Variants in TMEM243 observed in about 807,000 individuals in gnomAD.
The protein encoded by TMEM243 is MDR1 and mitochondrial taxol resistance associated.
A neutral mutation model predicts 15.0 loss-of-function variants in TMEM243; 20 were observed. That is an observed-to-expected ratio of 1.33 (90% CI 0.94 to 1.93). The LOEUF (loss-of-function observed/expected upper bound fraction) is 1.93. Ranked by LOEUF, TMEM243 falls within the 30% of genes most tolerant of loss-of-function variation. The probability of loss-of-function intolerance (pLI) is 0.00; values close to 1 mark genes in which losing one functional copy is unlikely to be tolerated. For synonymous variants in TMEM243, 72 were observed against 52.7 expected, an observed-to-expected ratio of 1.37 and a Z score of -1.59; for missense variants, 156 against 142.1, an observed-to-expected ratio of 1.10 and a Z score of -0.50.
At chr7:87,218,326 G>A (rs916213164) in intron 1 of TMEM243, among the ~76,000 whole-genome samples, 14 of 152,212 alleles carry the variant, frequency 9.2e-5, no homozygotes, top group Admixed American at 4.6e-4. Flanking sequence ...TGGAGATCGA[G>A]TTTAAAACGC....
chr7:87,203,499 C>G (rs563999365), intron 1 of TMEM243, among the ~76,000 whole-genome samples: 3 of 151,798 alleles, frequency 2.0e-5, no homozygotes, highest in Admixed American at 1.3e-4. Flanking sequence ...CCTGTAGTCT[C>G]AGCTACTTGG....
Position 87,205,157 on chromosome 7 carries a change from G to T in TMEM243, c.79-6100C>A, listed in dbSNP as rs148979024. Among the ~76,000 whole-genome samples, 166 of 152,318 alleles carry T rather than the reference G, an allele frequency of 1.1e-3. 5 individuals are homozygous for T. In the East Asian group the frequency reaches 0.03, roughly 27 times the overall value. Reference sequence around the variant, plus strand: ...AAGTCCCTAAGCGGCATACAGCAGAGGGGGGCCTGGGCCCAGCCCACAAAA... The same window carrying T: ...AAGTCCCTAAGCGGCATACAGCAGATGGGGGCCTGGGCCCAGCCCACAAAA... On this transcript the variant is annotated intron_variant, in intron 1 of 3. Coordinates refer to ENST00000257637, the MANE Select transcript of TMEM243 (RefSeq NM_024315.4).
intron 2 of TMEM243, chr7:87,198,710 G>T (rs1177671915): frequency 2.3e-6 from 1 of 435,620 alleles, no homozygotes; most frequent in Non-Finnish European, 4.1e-6. Context: ...TAGAAATGGG[G>T]AATTATGGTA....
chr7:87,196,799 AT>A (rs1801304885), intron 3 of TMEM243, 41 bp from the exon 4 acceptor site: 1 of 1,394,148 alleles, frequency 7.2e-7, no homozygotes, highest in Non-Finnish European at 9.8e-7. Flanking sequence ...AATTTGAAAT[AT>A]AACATTTTCT....
chr7:87,205,508 C>T (rs1433059990), intron 1 of TMEM243, among the ~76,000 whole-genome samples: 1 of 152,164 alleles, frequency 6.6e-6, no homozygotes, highest in Non-Finnish European at 1.5e-5. Flanking sequence ...GAATGCTTTG[C>T]TGCTTAGAAA....
At chr7:87,213,765 C>A (rs1802920226) in intron 1 of TMEM243, among the ~76,000 whole-genome samples, 1 of 138,998 alleles carries the variant, frequency 7.2e-6, no homozygotes, top group African/African-American at 2.7e-5. Flanking sequence ...TTGCTTTTCA[C>A]CGTCTTTGTT....
In TMEM243 at chr7:87,197,948, C is replaced by CA. The variant is rs777151613; in HGVS notation, c.226dup (p.Cys76LeufsTer17). 1.2e-6 allele frequency: 2 copies of CA among 1,613,000 alleles called. No individual in the cohort carries two copies. The highest frequency in any genetic ancestry group is 1.7e-6 in the Non-Finnish European group (2 of 1,179,334). On this transcript the variant is annotated frameshift_variant, in exon 3 of 4. Coordinates refer to ENST00000257637, the MANE Select transcript of TMEM243 (RefSeq NM_024315.4). LOFTEE classifies it high-confidence loss of function. The stretch of plus-strand genomic sequence containing the variant: ...ATTCTCAACAGTACTTACAAGTATG[C>CA]AGGCAGTAATACTACTCAAAGAGAT...
intron 1 of TMEM243, among the ~76,000 whole-genome samples, chr7:87,205,750 A>G (rs1802173186): frequency 6.6e-6 from 1 of 152,118 alleles, no homozygotes; most frequent in African/African-American, 2.4e-5. Context: ...TAGGAAGGAA[A>G]CTTTCCCACA....
chr7:87,205,648 C>G (rs557592094), intron 1 of TMEM243, among the ~76,000 whole-genome samples: 10 of 152,150 alleles, frequency 6.6e-5, no homozygotes, highest in African/African-American at 2.4e-4. Flanking sequence ...CAGTTCCCAA[C>G]AAGTTCTTCA....
At chr7:87,207,019 C>G (rs1346808564) in intron 1 of TMEM243, among the ~76,000 whole-genome samples, 2 of 152,368 alleles carry the variant, frequency 1.3e-5, no homozygotes, top group Non-Finnish European at 2.9e-5. Context: ...ATCCTGCAGA[C>G]CAACAGGTCA....
At chr7:87,211,301 G>A (rs1047600819) in intron 1 of TMEM243, among the ~76,000 whole-genome samples, 3 of 152,084 alleles carry the variant, frequency 2.0e-5, no homozygotes, top group South Asian at 2.1e-4. Flanking sequence ...CCCTACCCAC[G>A]AGTTCCTCAG....
intron 3 of TMEM243, chr7:87,197,688 A>ATTTTTT (rs71906317): frequency 2.0e-6 from 2 of 982,148 alleles, no homozygotes; most frequent in Admixed American, 5.6e-5. Flanking sequence ...CTTTCCACTA[A>ATTTTTT]TTTTTTTTTT....
At chr7:87,205,246 T>A (rs1027349572) in intron 1 of TMEM243, among the ~76,000 whole-genome samples, 4 of 152,170 alleles carry the variant, frequency 2.6e-5, no homozygotes, top group African/African-American at 9.6e-5. Context: ...GTCTCTGACA[T>A]GGCCTGGAGA....
chr7:87,197,085 T>C (rs1047322344), intron 3 of TMEM243, among the ~76,000 whole-genome samples: 2 of 152,124 alleles, frequency 1.3e-5, no homozygotes, highest in Non-Finnish European at 2.9e-5. Context: ...TTTAGACTCA[T>C]GATTCATACA....
intron 3 of TMEM243, 93 bp from the exon 4 acceptor site, chr7:87,196,851 A>AGGGG (rs1406106665): frequency 3.5e-6 from 3 of 856,776 alleles, no homozygotes; most frequent in Non-Finnish European, 3.5e-6. Flanking sequence ...TTATTCCCCT[A>AGGGG]AATGAGACAG....
intron 1 of TMEM243, among the ~76,000 whole-genome samples, chr7:87,209,577 T>TGA (rs779825846): frequency 1.3e-3 from 147 of 115,282 alleles, no homozygotes; most frequent in African/African-American, 4.5e-3. Flanking sequence ...AGAGAGACAG[T>TGA]GAGAGAGACA....
chr7:87,196,828 C>T, intron 3 of TMEM243, 70 bp from the exon 4 acceptor site: 10 of 1,143,470 alleles, frequency 8.7e-6, no homozygotes, highest in Non-Finnish European at 1.2e-5. Flanking sequence ...TTTCAAATTT[C>T]ATTAGTATTT....
At chr7:87,220,561 C>T (rs1803463535), upstream of TMEM243, 1 of 152,310 alleles carries the variant, frequency 6.6e-6, no homozygotes, top group African/African-American at 2.4e-5. Flanking sequence ...CCCGGACCCG[C>T]TGCCTCCGTC....
At chr7:87,219,180 G>T (rs952953997) in intron 1 of TMEM243, among the ~76,000 whole-genome samples, 2 of 152,100 alleles carry the variant, frequency 1.3e-5, no homozygotes, top group African/African-American at 2.4e-5. Context: ...CCCCAGAAGG[G>T]CTTCCAACAA....
Sources: gnomAD v4.1 joint callset for allele counts (sites outside exome capture counted in the v4.1 genomes callset) on GRCh38, gnomAD v4.1.1 for gene constraint, MANE v1.5 for transcripts, NCBI Gene and HGNC (gene_info 2026-07-23, HGNC 2026-07-21) for gene names.